NKAIN2: variants seen among roughly 807,000 people sequenced by gnomAD.
The protein encoded by NKAIN2 is sodium/potassium transporting ATPase interacting 2, also known as sodium/potassium-transporting ATPase subunit beta-1-interacting protein 2.
In NKAIN2, 14 loss-of-function variants were observed where a neutral mutation model predicts 32.6. The ratio of observed to expected loss-of-function variants is 0.43; its 90% CI spans 0.28 to 0.67. NKAIN2 has a LOEUF of 0.67. NKAIN2 is among the 30% of genes least tolerant of loss of function. NKAIN2 has a pLI of 0.17. For missense variants in NKAIN2, 198 were observed against 258.3 expected, an observed-to-expected ratio of 0.77 and a Z score of 1.60; for synonymous variants, 80 against 87.2, an observed-to-expected ratio of 0.92 and a Z score of 0.46.
chr6:124,347,065 A>G (rs1798461415), intron 2 of NKAIN2, among the ~76,000 whole-genome samples: 1 of 151,106 alleles, frequency 6.6e-6, no homozygotes, highest in Admixed American at 6.6e-5. Context: ...GCTTGTCTGT[A>G]AAGTATTTTA....
intron 1 of NKAIN2, among the ~76,000 whole-genome samples, chr6:124,279,852 T>C (rs1262278859): frequency 6.6e-6 from 1 of 152,138 alleles, no homozygotes; most frequent in Non-Finnish European, 1.5e-5. Context: ...TCTCAATAGA[T>C]GCAGAAATAA....
intron 3 of NKAIN2, among the ~76,000 whole-genome samples, chr6:124,418,085 G>C (rs1774574858): frequency 6.6e-6 from 1 of 152,012 alleles, no homozygotes; most frequent in African/African-American, 2.4e-5. Flanking sequence ...AGACTTATTA[G>C]GCATTAAATA....
chr6:124,610,376 G>C (rs779835676), intron 3 of NKAIN2, among the ~76,000 whole-genome samples: 19 of 152,134 alleles, frequency 1.2e-4, no homozygotes, highest in Non-Finnish European at 2.4e-4. Flanking sequence ...GTTTATCCTA[G>C]TACTATTTCA....
chr6:124,048,126 C>T (rs565756326), intron 1 of NKAIN2, among the ~76,000 whole-genome samples: 2 of 152,148 alleles, frequency 1.3e-5, no homozygotes, highest in Non-Finnish European at 2.9e-5. Flanking sequence ...CTCTTCTGCT[C>T]CTCCCATCCT....
intron 1 of NKAIN2, among the ~76,000 whole-genome samples, chr6:124,177,279 T>C (rs376979111): frequency 2.0e-5 from 3 of 152,340 alleles, no homozygotes; most frequent in South Asian, 4.1e-4. Flanking sequence ...TTATTTCACA[T>C]GCACAGTTTA....
intron 1 of NKAIN2, among the ~76,000 whole-genome samples, chr6:123,915,193 C>T (rs1414323553): frequency 6.6e-6 from 1 of 152,120 alleles, no homozygotes; most frequent in Non-Finnish European, 1.5e-5. Context: ...TGATATGCAC[C>T]AAATCCTTTA....
rs140095337 is a variant in NKAIN2 at position 124,657,262 on chromosome 6, A to G, written c.274-924A>G. Among the ~76,000 whole-genome samples the G allele has an allele frequency of 2.0e-5, 3 of 152,348 alleles. No homozygotes were observed. The East Asian group carries it at 5.8e-4, about 29-fold the overall frequency. On this transcript the variant is annotated intron_variant, in intron 3 of 6. Coordinates refer to ENST00000368417, the MANE Select transcript of NKAIN2 (RefSeq NM_001040214.3). ...GGCCATAACTATCACTGAAACTGAT[A>G]GAGTGCAATTTCCCATAACTGACCT...
At chr6:123,904,722 A>T (rs1244168475) in intron 1 of NKAIN2, among the ~76,000 whole-genome samples, 1 of 152,164 alleles carries the variant, frequency 6.6e-6, no homozygotes, top group African/African-American at 2.4e-5. Context: ...TCTAAAAATG[A>T]TATTCGAGAT....
chr6:123,866,330 T>C (rs146475658), intron 1 of NKAIN2, among the ~76,000 whole-genome samples: 146 of 152,378 alleles, frequency 9.6e-4, no homozygotes, highest in Non-Finnish European at 5.9e-4. Flanking sequence ...TTTTTACTTC[T>C]TCAAGTCCCA....
chr6:124,197,116 T>G (rs973587172), intron 1 of NKAIN2, among the ~76,000 whole-genome samples: 2 of 151,818 alleles, frequency 1.3e-5, no homozygotes, highest in Non-Finnish European at 1.5e-5. Flanking sequence ...TTAAATATAT[T>G]TAAATTGTAG....
chr6:123,845,833 C>T (rs894046977), intron 1 of NKAIN2, among the ~76,000 whole-genome samples: 1 of 152,126 alleles, frequency 6.6e-6, no homozygotes, highest in African/African-American at 2.4e-5. Context: ...GATGCTAAAG[C>T]GTTCCAAGTG....
chr6:123,949,963 T>C (rs966661100), intron 1 of NKAIN2, among the ~76,000 whole-genome samples: 1 of 152,008 alleles, frequency 6.6e-6, no homozygotes, highest in African/African-American at 2.4e-5. Context: ...AGTTGAGGTA[T>C]GTTCTTTCAT....
chr6:124,110,802 G>A lies in NKAIN2; in HGVS notation c.55-172203G>A, dbSNP rs958072127. On this transcript the variant is annotated intron_variant, in intron 1 of 6. Coordinates refer to ENST00000368417, the MANE Select transcript of NKAIN2 (RefSeq NM_001040214.3). ...TTCTTTATCCAACCCACCATGAGTG[G>A]GCACCTAGATTGAGTCCGTGTCTTT... Among the ~76,000 whole-genome samples, 3 of 152,198 alleles carry A rather than the reference G, an allele frequency of 2.0e-5. No individual in the cohort carries two copies. The South Asian group carries it at 6.2e-4, about 32-fold the overall frequency.
At chr6:124,666,445 T>C (rs542789425) in intron 4 of NKAIN2, among the ~76,000 whole-genome samples, 1 of 152,120 alleles carries the variant, frequency 6.6e-6, no homozygotes, top group Non-Finnish European at 1.5e-5. Flanking sequence ...AAAATATTAT[T>C]ATTACTGAAT....
chr6:124,493,462 C>T (rs868366898), intron 3 of NKAIN2, among the ~76,000 whole-genome samples: 63 of 151,952 alleles, frequency 4.1e-4, no homozygotes, highest in African/African-American at 1.2e-3. Context: ...CCATATTAGA[C>T]GAGCTAGCAT....
At chr6:124,016,781 T>C (rs1780591784) in intron 1 of NKAIN2, among the ~76,000 whole-genome samples, 1 of 152,142 alleles carries the variant, frequency 6.6e-6, no homozygotes, top group Non-Finnish European at 1.5e-5. Flanking sequence ...ATTTTTTTTT[T>C]CTATTTTACA....
At chr6:124,276,888 G>A (rs1795063392) in intron 1 of NKAIN2, among the ~76,000 whole-genome samples, 1 of 152,162 alleles carries the variant, frequency 6.6e-6, no homozygotes, top group South Asian at 2.1e-4. Context: ...TTAAGCAATA[G>A]GAATGGAGAT....
At chr6:123,871,466 A>G (rs1772872055) in intron 1 of NKAIN2, among the ~76,000 whole-genome samples, 1 of 152,138 alleles carries the variant, frequency 6.6e-6, no homozygotes, top group Admixed American at 6.6e-5. Flanking sequence ...GCTAGCCTTC[A>G]TCACCGTCAC....
intron 1 of NKAIN2, among the ~76,000 whole-genome samples, chr6:123,929,703 A>G (rs1436965635): frequency 1.3e-5 from 2 of 152,052 alleles, no homozygotes; most frequent in African/African-American, 4.8e-5. Context: ...AGCAAACATC[A>G]TGTTGTAGTT....
Sources: gnomAD v4.1 joint callset for allele counts (sites outside exome capture counted in the v4.1 genomes callset) on GRCh38, gnomAD v4.1.1 for gene constraint, MANE v1.5 for transcripts, NCBI Gene and HGNC (gene_info 2026-07-23, HGNC 2026-07-21) for gene names.